The following FSTL5 variants were observed in gnomAD, a reference collection of about 807,000 sequenced individuals.
FSTL5 encodes follistatin like 5.
Under a neutral mutation model 89.1 loss-of-function variants are expected in FSTL5, and 62 were observed. That is an observed-to-expected ratio of 0.70 (90% confidence interval 0.57 to 0.86). The LOEUF is 0.86. Among genes scored for constraint, FSTL5 ranks in the 40% least tolerant of loss-of-function variants. The pLI is 0.00. For synonymous variants in FSTL5, 383 were observed against 346.2 expected (o/e 1.11, Z -1.18); for missense variants, 1,057 against 1,001.6 (o/e 1.06, Z -0.75).
chr4:161,586,086 T>G (rs1303512850), intron 8 of FSTL5, among the ~76,000 whole-genome samples: 1 of 152,186 alleles, frequency 6.6e-6, no homozygotes, highest in Non-Finnish European at 1.5e-5. Context: ...ATGTTATTAA[T>G]TGATTTCCAG....
intron 15 of FSTL5, among the ~76,000 whole-genome samples, chr4:161,448,164 G>A (rs1578981804): frequency 6.6e-6 from 1 of 152,082 alleles, no homozygotes; most frequent in African/African-American, 2.4e-5. Flanking sequence ...CTTTGTGGGA[G>A]GAATTAGCAT....
chr4:162,131,244 C>A (rs1476536945), intron 1 of FSTL5, among the ~76,000 whole-genome samples: 2 of 152,132 alleles, frequency 1.3e-5, no homozygotes, highest in Non-Finnish European at 2.9e-5. Context: ...AATTTGAGTG[C>A]CCATAGGACA....
chr4:161,992,882 A>ATGTGTG (rs1553989511), intron 3 of FSTL5, among the ~76,000 whole-genome samples: 1 of 19,970 alleles, frequency 5.0e-5, no homozygotes, highest in Admixed American at 6.6e-4. Context: ...ATATATATAT[A>ATGTGTG]TATATATATA....
intron 6 of FSTL5, among the ~76,000 whole-genome samples, chr4:161,695,697 T>C (rs185145673): frequency 2.6e-5 from 4 of 152,220 alleles, no homozygotes; most frequent in African/African-American, 7.2e-5. Flanking sequence ...TGATTTATTT[T>C]CATTTCCCTG....
intron 2 of FSTL5, among the ~76,000 whole-genome samples, chr4:162,068,732 G>T (rs1696461022): frequency 6.6e-6 from 1 of 152,050 alleles, no homozygotes; most frequent in Admixed American, 6.6e-5. Flanking sequence ...CTTATGTACA[G>T]CAAAAGAAAC....
chr4:161,490,788 C>A (rs1256971603), intron 12 of FSTL5, among the ~76,000 whole-genome samples: 1 of 151,968 alleles, frequency 6.6e-6, no homozygotes, highest in Non-Finnish European at 1.5e-5. Flanking sequence ...TAAATTTGTT[C>A]TACATAAGAA....
chr4:161,812,132 G>C (rs753123217), intron 4 of FSTL5, among the ~76,000 whole-genome samples: 1 of 152,142 alleles, frequency 6.6e-6, no homozygotes, highest in Non-Finnish European at 1.5e-5. Flanking sequence ...AGAGGTTATA[G>C]ACATTGGTCC....
intron 1 of FSTL5, among the ~76,000 whole-genome samples, chr4:162,140,556 G>A (rs1732688751): frequency 6.6e-6 from 1 of 152,130 alleles, no homozygotes; most frequent in African/African-American, 2.4e-5. Flanking sequence ...AATAACATTG[G>A]CTTTTACTCT....
At chr4:161,389,385 T>C (rs192739578) in intron 15 of FSTL5, among the ~76,000 whole-genome samples, 2 of 152,238 alleles carry the variant, frequency 1.3e-5, no homozygotes, top group East Asian at 3.9e-4. Flanking sequence ...ATGGTATGGA[T>C]TGTCAACTTT....
At chr4:161,470,661 T>C (rs1733903854) in intron 13 of FSTL5, among the ~76,000 whole-genome samples, 1 of 152,182 alleles carries the variant, frequency 6.6e-6, no homozygotes, top group Non-Finnish European at 1.5e-5. Context: ...AGAATTTCAC[T>C]GAATCTCTAG....
chr4:161,955,253 A>T (rs902573202), intron 3 of FSTL5, among the ~76,000 whole-genome samples: 2 of 151,734 alleles, frequency 1.3e-5, no homozygotes, highest in African/African-American at 4.8e-5. Context: ...TTTAAGAAAC[A>T]GTAACAAAAA....
At chr4:161,537,016 T>G (rs1390472674) in intron 10 of FSTL5, among the ~76,000 whole-genome samples, 1 of 152,128 alleles carries the variant, frequency 6.6e-6, no homozygotes. Context: ...TTTTTTCTCT[T>G]TTTTCAACCT....
chr4:161,828,026 A>T (rs72979192), intron 4 of FSTL5, among the ~76,000 whole-genome samples: 13,734 of 152,168 alleles, frequency 0.09, 775 homozygotes, highest in African/African-American at 0.16. Flanking sequence ...AGTTTCCTTT[A>T]TCATGTGGAC....
chr4:162,001,569 T>A (rs996383713), intron 3 of FSTL5, among the ~76,000 whole-genome samples: 9 of 151,472 alleles, frequency 5.9e-5, no homozygotes, highest in Non-Finnish European at 1.0e-4. Context: ...ATAACATACA[T>A]AAAGTGCCTT....
chr4:161,887,431 T>TATCTATCTATCTATCTATC (rs1560900206), intron 4 of FSTL5, among the ~76,000 whole-genome samples: 1 of 140,908 alleles, frequency 7.1e-6, no homozygotes, highest in African/African-American at 2.7e-5. Flanking sequence ...ATCTATCATC[T>TATCTATCTATCTATCTATC]ATCTACCTAT....
intron 3 of FSTL5, among the ~76,000 whole-genome samples, chr4:161,980,287 A>G (rs200002786): frequency 1.6e-5 from 2 of 125,418 alleles, no homozygotes; most frequent in East Asian, 2.4e-4. Flanking sequence ...GAAAGAAAGA[A>G]AGAGAAAGAA....
At chr4:161,574,900 C>T (rs1325985831) in intron 8 of FSTL5, among the ~76,000 whole-genome samples, 6 of 152,090 alleles carry the variant, frequency 3.9e-5, no homozygotes, top group Admixed American at 2.0e-4. Flanking sequence ...TTCCAGTTCT[C>T]GATCTTTGAG....
At chr4:161,388,964 T>TG (rs1036055272) in intron 15 of FSTL5, among the ~76,000 whole-genome samples, 6 of 152,142 alleles carry the variant, frequency 3.9e-5, no homozygotes, top group Non-Finnish European at 5.9e-5. Context: ...AAGATCTTTG[T>TG]GGGGTGATAA....
chr4:161,543,053 C>T (rs1001288217), intron 8 of FSTL5, among the ~76,000 whole-genome samples: 1 of 150,874 alleles, frequency 6.6e-6, no homozygotes, highest in Non-Finnish European at 1.5e-5. Flanking sequence ...TTAGTAATTA[C>T]AAAGGAGTAT....
Sources: allele counts gnomAD v4.1 joint callset (sites outside exome capture counted in the v4.1 genomes callset), GRCh38; gene constraint gnomAD v4.1.1; transcripts MANE v1.5; gene names NCBI Gene and HGNC (gene_info 2026-07-23, HGNC 2026-07-21).